The following GRIP1 variants were observed in gnomAD, a reference collection of about 807,000 sequenced individuals.
GRIP1 encodes the protein glutamate receptor-interacting protein 1.
GRIP1 carries 45 observed loss-of-function variants against 129.9 expected under a neutral mutation model. The observed-to-expected ratio is 0.35, with a 90% CI of 0.27 to 0.44. The LOEUF is 0.44. GRIP1 is among the 20% of genes least tolerant of loss of function. GRIP1 has a pLI of 1.00. For missense variants in GRIP1, 1,196 were observed against 1,396.8 expected (o/e 0.86, Z 2.29); for synonymous variants, 530 against 520.8 (o/e 1.02, Z -0.24).
At chr12:66,649,587 C>A (rs2032638528) in intron 1 of GRIP1, among the ~76,000 whole-genome samples, 1 of 152,200 alleles carries the variant, frequency 6.6e-6, no homozygotes, top group Non-Finnish European at 1.5e-5. Context: ...ATAAAAGCAG[C>A]ACATGAATGT....
At chr12:67,068,350 G>A (rs924700498) in intron 1 of GRIP1, among the ~76,000 whole-genome samples, 1 of 152,182 alleles carries the variant, frequency 6.6e-6, no homozygotes, top group Non-Finnish European at 1.5e-5. Flanking sequence ...AAAATAGACA[G>A]TAATTAAGAA....
At chr12:66,388,639 G>A (rs2056458823) in intron 19 of GRIP1, among the ~76,000 whole-genome samples, 1 of 152,250 alleles carries the variant, frequency 6.6e-6, no homozygotes, top group South Asian at 2.1e-4. Context: ...GGGAGTGAAA[G>A]AAGCTGACCT....
At chr12:66,871,955 C>T (rs925006905) in intron 1 of GRIP1, among the ~76,000 whole-genome samples, 1 of 152,038 alleles carries the variant, frequency 6.6e-6, no homozygotes, top group Non-Finnish European at 1.5e-5. Flanking sequence ...ATTGTTGTGG[C>T]CAGCCAGACT....
At chr12:66,400,436 C>T (rs1197194515) in intron 16 of GRIP1, among the ~76,000 whole-genome samples, 2 of 152,206 alleles carry the variant, frequency 1.3e-5, no homozygotes, top group Non-Finnish European at 2.9e-5. Context: ...TACACCAATA[C>T]TCCAATCTGG....
intron 1 of GRIP1, among the ~76,000 whole-genome samples, chr12:66,896,196 A>C (rs916693225): frequency 2.0e-5 from 3 of 152,188 alleles, no homozygotes; most frequent in African/African-American, 7.2e-5. Context: ...TGATGGGATG[A>C]CTGGAGGACA....
At chr12:67,046,918 A>G (rs2043262781) in intron 1 of GRIP1, among the ~76,000 whole-genome samples, 2 of 152,306 alleles carry the variant, frequency 1.3e-5, no homozygotes, top group East Asian at 3.9e-4. Context: ...TGAATTATAT[A>G]TTACTGTACT....
intron 7 of GRIP1, among the ~76,000 whole-genome samples, chr12:66,496,986 CT>C (rs144846613): frequency 0.048 from 7,286 of 152,274 alleles, 238 homozygotes; most frequent in Middle Eastern, 0.071. Flanking sequence ...TCTTTTACTA[CT>C]ACCTTTGGAG....
At chr12:66,476,942 GA>G (rs2059635349) in intron 7 of GRIP1, among the ~76,000 whole-genome samples, 1 of 152,130 alleles carries the variant, frequency 6.6e-6, no homozygotes, top group African/African-American at 2.4e-5. Flanking sequence ...GCAAAAACTG[GA>G]AGCATTCCCT....
intron 1 of GRIP1, among the ~76,000 whole-genome samples, chr12:67,010,835 A>G (rs1490483044): frequency 6.6e-6 from 1 of 151,836 alleles, no homozygotes; most frequent in Non-Finnish European, 1.5e-5. Flanking sequence ...GCGCAGGAAC[A>G]CCCAACTCTC....
intron 14 of GRIP1, among the ~76,000 whole-genome samples, chr12:66,422,896 C>A (rs1352389432): frequency 6.6e-6 from 1 of 152,180 alleles, no homozygotes; most frequent in Non-Finnish European, 1.5e-5. Context: ...TCCTGCCCAT[C>A]ACCACCATGC....
chr12:66,702,228 C>T (rs895942745), intron 1 of GRIP1, among the ~76,000 whole-genome samples: 1 of 152,126 alleles, frequency 6.6e-6, no homozygotes, highest in Non-Finnish European at 1.5e-5. Flanking sequence ...AGGCAAGCAC[C>T]AGATGCATTT....
At chr12:66,730,458 G>A (rs1408345144) in intron 1 of GRIP1, among the ~76,000 whole-genome samples, 1 of 152,030 alleles carries the variant, frequency 6.6e-6, no homozygotes, top group East Asian at 1.9e-4. Flanking sequence ...TATTGCTTAA[G>A]TTTATATTTA....
Position 66,392,427 on chromosome 12 carries a change from G to T in GRIP1, c.2345C>A (p.Ser782Tyr). ...CTTGCCTGGCTTCTGTGCTGGTGAG[G>T]AGTCCTCCTCCACATCCCCCAGGTC... The part of the protein sequence containing the change: ...LSDLGDVEED[S>Y]SPAQKPGKLS... The change falls in exon 19 of 25, where the codon TCC becomes TAC. Residue 782 changes from serine to tyrosine, a missense_variant. Physicochemically the swap from Ser to Tyr is moderately radical, Grantham distance 144 (BLOSUM62 -2). Around this residue, in one of 5 missense-constraint regions of GRIP1, gnomAD observed 427 missense variants for 463.3 expected, o/e 0.92. Coordinates refer to ENST00000359742, the MANE Select transcript of GRIP1 (RefSeq NM_001366722.1). 6.2e-7 allele frequency: 1 copy of T among 1,614,024 alleles called. No individual in the cohort carries two copies. The highest frequency in any genetic ancestry group is 8.5e-7 in the Non-Finnish European group (1 of 1,179,906).
At chr12:66,725,660 G>A (rs984899421) in intron 1 of GRIP1, among the ~76,000 whole-genome samples, 7 of 152,064 alleles carry the variant, frequency 4.6e-5, no homozygotes, top group Admixed American at 2.6e-4. Flanking sequence ...CTGTTCCAGC[G>A]TTTCTCAAAC....
intron 1 of GRIP1, among the ~76,000 whole-genome samples, chr12:67,068,880 G>A (rs1223477918): frequency 9.4e-5 from 6 of 63,758 alleles, no homozygotes; most frequent in Non-Finnish European, 2.8e-5. Flanking sequence ...CAAAAAAAAT[G>A]AATCAGAGTT....
At chr12:66,660,653 G>A (rs2033441723) in intron 1 of GRIP1, among the ~76,000 whole-genome samples, 1 of 152,106 alleles carries the variant, frequency 6.6e-6, no homozygotes, top group South Asian at 2.1e-4. Context: ...TCAGCCCATT[G>A]TTTCATATGG....
At chr12:66,623,222 T>C (rs907469062) in intron 1 of GRIP1, among the ~76,000 whole-genome samples, 2 of 152,170 alleles carry the variant, frequency 1.3e-5, no homozygotes, top group Non-Finnish European at 2.9e-5. Context: ...TCTCTGCTTT[T>C]CTTAATAATT....
rs567987630 is a variant in GRIP1 at position 66,957,187 on chromosome 12, A to G, written c.58+111863T>C. ...CTGGTGTTCTAAAAAGAGGATATCA[A>G]TACAGATACATATGGGGAGAAGATA... is the stretch of plus-strand genomic sequence containing the variant. On this transcript the variant is annotated intron_variant, in intron 1 of 1. Transcript: ENST00000643019. Among the ~76,000 whole-genome samples, 70 of 152,244 alleles carry G rather than the reference A, an allele frequency of 4.6e-4. 1 individual carries two copies. Among genetic ancestry groups the G allele is most frequent in the South Asian group, 1.2e-3 (6 of 4,822 alleles).
chr12:66,780,536 G>A (rs2038124003), intron 1 of GRIP1, among the ~76,000 whole-genome samples: 1 of 152,100 alleles, frequency 6.6e-6, no homozygotes, highest in African/African-American at 2.4e-5. Context: ...ATCAGGACAG[G>A]AACAACAGCA....
Sources: allele counts gnomAD v4.1 joint callset (sites outside exome capture counted in the v4.1 genomes callset), GRCh38; gene constraint gnomAD v4.1.1; regional missense constraint gnomAD v4.1.1; transcripts MANE v1.5; gene names NCBI Gene and HGNC (gene_info 2026-07-23, HGNC 2026-07-21).